Variants in ANGPTL6 observed in about 807,000 individuals in gnomAD.
The protein encoded by ANGPTL6 is angiopoietin-related protein 6.
In ANGPTL6, 45 loss-of-function variants were observed where a neutral mutation model predicts 47.4. That is an observed-to-expected ratio of 0.95 (90% CI 0.75 to 1.22). The LOEUF is 1.22. Among genes scored for constraint, ANGPTL6 ranks in the 50% most tolerant of loss-of-function variants. The probability of loss-of-function intolerance (pLI) is 0.00; values close to 1 mark genes in which losing one functional copy is unlikely to be tolerated. For synonymous variants in ANGPTL6, 290 were observed against 295.9 expected (o/e 0.98, Z 0.20); for missense variants, 698 against 669.4 (o/e 1.04, Z -0.47).
intron 1 of ANGPTL6, among the ~76,000 whole-genome samples, chr19:10,098,457 G>A (rs951408860): frequency 1.3e-5 from 2 of 152,172 alleles, no homozygotes; most frequent in South Asian, 2.1e-4. Flanking sequence ...TGGTGGAGGA[G>A]CAGATCTAAG....
Position 10,096,152 on chromosome 19 carries a change from G to A in ANGPTL6, c.412C>T (p.Leu138=), listed in dbSNP as rs749904371. The A allele has an allele frequency of 4.5e-6, 6 of 1,334,204 alleles. No individual in the cohort carries two copies. In the South Asian group the frequency reaches 5.7e-5, roughly 13 times the overall value. The allele number at this position is 1,334,204 out of a possible 1,614,324, so 82.6% of individuals were successfully genotyped here. A position where few individuals can be genotyped will look rare whatever the true frequency, so the allele number is the denominator to read the frequency against. The change falls in exon 2 of 6, where the codon CTG becomes TTG. Residue 138 remains leucine (L), a synonymous_variant. Transcript: ENST00000253109. ...LGAEPAAALA[L]LGERVLNASA... is the part of the protein sequence containing the mutation. ...GCGTTGAGCACGCGCTCCCCGAGCA[G>A]CGCCAGCGCCGCGGCAGGCTCCGCC... is the stretch of plus-strand genomic sequence containing the variant.
At chr19:10,096,671 T>G in intron 1 of ANGPTL6, 98 bp from the exon 2 acceptor site, 1 of 947,960 alleles carries the variant, frequency 1.1e-6, no homozygotes, top group Admixed American at 3.7e-5. Flanking sequence ...ACCCGCGATG[T>G]CCCGGGCCCA....
At chr19:10,099,806 GCTCT>G (rs956113953) in intron 1 of ANGPTL6, among the ~76,000 whole-genome samples, 2 of 145,714 alleles carry the variant, frequency 1.4e-5, no homozygotes, top group Non-Finnish European at 3.0e-5. Flanking sequence ...CCATATACAA[GCTCT>G]CTCTCTCTCT....
chr19:10,104,672 A>T (rs565515850), upstream of ANGPTL6, among the ~76,000 whole-genome samples: 10 of 152,170 alleles, frequency 6.6e-5, no homozygotes, highest in Admixed American at 3.9e-4. Context: ...ATTAAAAAAA[A>T]TTTTTAAAAA....
intron 1 of ANGPTL6, among the ~76,000 whole-genome samples, chr19:10,099,853 TTCTCTCTC>T (rs140980342): frequency 1.7e-4 from 17 of 100,836 alleles, no homozygotes; most frequent in South Asian, 3.1e-4. Flanking sequence ...CTTTCTCTCT[TTCTCTCTC>T]TCTCTCTCTC....
intron 1 of ANGPTL6, among the ~76,000 whole-genome samples, chr19:10,099,865 C>T (rs983172439): frequency 1.1e-4 from 17 of 148,786 alleles, no homozygotes; most frequent in Non-Finnish European, 1.6e-4. Context: ...CTCTCTCTCT[C>T]TCTCTCTCTC....
intron 1 of ANGPTL6, among the ~76,000 whole-genome samples, chr19:10,098,598 G>A (rs993838943): frequency 6.6e-6 from 1 of 152,074 alleles, no homozygotes; most frequent in Non-Finnish European, 1.5e-5. Flanking sequence ...GCCAAGGTGG[G>A]TGGATCACCT....
chr19:10,095,776 T>G (rs560272237), intron 2 of ANGPTL6, among the ~76,000 whole-genome samples: 21 of 152,262 alleles, frequency 1.4e-4, no homozygotes, highest in African/African-American at 5.1e-4. Context: ...AATTATAGGA[T>G]CCTATGACTA....
intron 1 of ANGPTL6, among the ~76,000 whole-genome samples, chr19:10,101,786 G>C (rs1454828675): frequency 7.1e-6 from 1 of 140,766 alleles, no homozygotes; most frequent in Non-Finnish European, 1.5e-5. Flanking sequence ...ACTCCAACCT[G>C]GGCGACAGAG....
upstream of ANGPTL6, among the ~76,000 whole-genome samples, chr19:10,104,317 G>GGTGTGT (rs1555757453): frequency 6.8e-5 from 8 of 117,966 alleles, no homozygotes; most frequent in Admixed American, 1.6e-4. Flanking sequence ...TTGTGTGTGT[G>GGTGTGT]GTGTGTGTGT....
At chr19:10,096,851 T>C (rs1355790658) in intron 1 of ANGPTL6, among the ~76,000 whole-genome samples, 1 of 149,726 alleles carries the variant, frequency 6.7e-6, no homozygotes, top group Non-Finnish European at 1.5e-5. Flanking sequence ...CTCAGCACTT[T>C]GGGAGGCCGA....
At position 10,092,775 on chromosome 19, in the gene ANGPTL6, G is replaced by C. The variant is rs2088423405; in HGVS notation, c.1227C>G (p.Asn409Lys). 4 of 1,596,742 alleles carry C rather than the reference G, an allele frequency of 2.5e-6. No homozygotes were observed. The highest frequency in any genetic ancestry group is 3.4e-6 in the Non-Finnish European group (4 of 1,166,904). Reference protein sequence around the residue: ...VDRDRDSYSGNCALYQRGGWW... With the variant: ...VDRDRDSYSGKCALYQRGGWW... ...AGCCTCCCCGCTGGTACAGGGCACA[G>C]TTACCTGAGGGGAGAGAGAGAGTCC... Residue 409 changes from asparagine (N) to lysine (K), a missense_variant, in exon 6 of 6, where the codon AAC (asparagine) becomes AAG (lysine). Asn to Lys is a moderately conservative substitution (Grantham distance 94). Transcript: ENST00000253109.
chr19:10,104,205 C>G (rs939531953), upstream of ANGPTL6, among the ~76,000 whole-genome samples: 4 of 151,284 alleles, frequency 2.6e-5, no homozygotes, highest in Admixed American at 2.6e-4. Context: ...CACTGTGAGA[C>G]AAAACACCAG....
At chr19:10,102,505 A>C (rs1014091664) in intron 1 of ANGPTL6, 63 bp downstream of exon 1, 3 of 971,234 alleles carry the variant, frequency 3.1e-6, no homozygotes, top group Non-Finnish European at 3.7e-6. Flanking sequence ...CCCCCAAGCC[A>C]AGCTGTGGTC....
chr19:10,093,162 G>A (rs1347839043), intron 5 of ANGPTL6, 187 bp downstream of exon 5: 17 of 756,148 alleles, frequency 2.2e-5, no homozygotes, highest in South Asian at 1.0e-4. Context: ...ATCAGAGAAG[G>A]AATCTGGACT....
chr19:10,092,414 A>C lies in ANGPTL6; in HGVS notation c.*175T>G. On this transcript the variant is annotated 3_prime_UTR_variant, in exon 6 of 6. Transcript: ENST00000253109. ...GACCTTGGGGAGCCATCTGAGGCCA[A>C]GATATTGACGGGGGGGATTCCTGGG... is the stretch of plus-strand genomic sequence containing the variant. The C allele has an allele frequency of 6.6e-7, 1 of 1,517,788 alleles. No individual in the cohort carries two copies. The highest frequency in any genetic ancestry group is 1.2e-5 in the South Asian group (1 of 80,622). 94.0% of individuals were successfully genotyped at this position (1,517,788 alleles called of 1,614,324 possible).
At chr19:10,103,539 G>A (rs985222318), upstream of ANGPTL6, among the ~76,000 whole-genome samples, 11 of 150,932 alleles carry the variant, frequency 7.3e-5, no homozygotes, top group Admixed American at 2.6e-4. Context: ...GCAGTAAGCC[G>A]AGATCGAGCA....
In ANGPTL6 at chr19:10,093,790, A is replaced by G; in HGVS notation, c.854T>C (p.Val285Ala). Residue 285 changes from valine to alanine, a missense_variant, in exon 4 of 6, where the codon GTA (valine) becomes GCA (alanine). Transcript: ENST00000253109. ...ELRVGRHVVSVWCEQQLEGGG... is the reference protein window; with the variant it reads ...ELRVGRHVVSAWCEQQLEGGG... The stretch of plus-strand genomic sequence containing the variant: ...ACCCTCCAGTTGCTGCTCACACCAT[A>G]CTGACACTACGTGACGGCCCACTCG... The G allele has an allele frequency of 6.2e-7, 1 of 1,613,974 alleles. No individual in the cohort carries two copies. Among genetic ancestry groups the G allele is most frequent in the Non-Finnish European group, 8.5e-7 (1 of 1,180,010 alleles).
At position 10,096,255 on chromosome 19, in the gene ANGPTL6, C is replaced by A; in HGVS notation, c.309G>T (p.Leu103=). The A allele has an allele frequency of 8.4e-7, 1 of 1,183,464 alleles. No individual in the cohort carries two copies. Among genetic ancestry groups the A allele is most frequent in the South Asian group, 4.1e-5 (1 of 24,226 alleles). The allele number at this position is 1,183,464 out of a possible 1,614,324, so 73.3% of individuals were successfully genotyped here. The part of the protein sequence containing the change: ...VRALRKESRG[L]SARLGQLRAQ... ...CGCGCAACTGGCCCAGGCGCGCGCT[C>A]AGGCCGCGGCTCTCCTTGCGCAGCG... The change falls in exon 2 of 6, where the codon CTG becomes CTT. Residue 103 remains leucine, a synonymous_variant. Transcript: ENST00000253109.
Sources: gnomAD v4.1 joint callset for allele counts (sites outside exome capture counted in the v4.1 genomes callset) on GRCh38, gnomAD v4.1.1 for gene constraint, MANE v1.5 for transcripts, NCBI Gene and HGNC (gene_info 2026-07-23, HGNC 2026-07-21) for gene names.